VAT1L: variants seen among roughly 807,000 people sequenced by gnomAD.
VAT1L encodes the protein putative NADPH-dependent quinone oxidoreductase VAT1L.
Under a neutral mutation model 44.1 loss-of-function variants are expected in VAT1L, and 34 were observed. That is an observed-to-expected ratio of 0.77 (90% CI 0.59 to 1.03). The LOEUF is 1.03. VAT1L is among the 50% of genes least tolerant of loss of function. VAT1L has a pLI of 0.00. For missense variants in VAT1L, 615 were observed against 538.8 expected (o/e 1.14, Z -1.40); for synonymous variants, 253 against 202.2 (o/e 1.25, Z -2.13).
rs113198784 is a variant in VAT1L, at chr16:77,888,155, G to A, written c.1077+3353G>A. Among the ~76,000 whole-genome samples the A allele has an allele frequency of 2.2e-3, 337 of 152,276 alleles. 1 individual carries two copies. The highest frequency in any genetic ancestry group is 3.3e-3 in the Admixed American group (51 of 15,284). ...GCCTTCCCCAGCCCCACTCTTGAAA[G>A]TAGCACCTTGCACAGCCACTGCAGA... On this transcript the variant is annotated intron_variant, in intron 7 of 8. Transcript: ENST00000302536.
intron 4 of VAT1L, among the ~76,000 whole-genome samples, chr16:77,875,423 T>C (rs140217876): frequency 7.1e-4 from 108 of 152,264 alleles, no homozygotes; most frequent in African/African-American, 2.5e-3. Context: ...TCCTGCAAAC[T>C]TGCAAACACA....
chr16:77,923,015 TA>T (rs1339770136), intron 7 of VAT1L, among the ~76,000 whole-genome samples: 3 of 152,208 alleles, frequency 2.0e-5, no homozygotes, highest in Non-Finnish European at 1.5e-5. Flanking sequence ...TGCAGCCTGT[TA>T]AAAGTCAGCA....
At chr16:77,908,456 T>C (rs866238161) in intron 7 of VAT1L, among the ~76,000 whole-genome samples, 1 of 114,260 alleles carries the variant, frequency 8.8e-6, no homozygotes, top group Non-Finnish European at 1.7e-5. Flanking sequence ...AAGAACCAGG[T>C]TCTGTCTCAA....
At chr16:77,872,357 C>T (rs1316267578) in intron 4 of VAT1L, among the ~76,000 whole-genome samples, 1 of 152,146 alleles carries the variant, frequency 6.6e-6, no homozygotes, top group East Asian at 1.9e-4. Context: ...AGCCTTCTCA[C>T]TGTCCTAGGT....
chr16:77,950,238 A>G (rs1597117178), intron 7 of VAT1L, among the ~76,000 whole-genome samples: 3 of 152,222 alleles, frequency 2.0e-5, no homozygotes, highest in Admixed American at 2.0e-4. Flanking sequence ...GGGAAACCCC[A>G]TCTCTACTAA....
chr16:77,829,119 C>G (rs1435985648), intron 3 of VAT1L, among the ~76,000 whole-genome samples: 3 of 152,172 alleles, frequency 2.0e-5, no homozygotes, highest in Non-Finnish European at 4.4e-5. Context: ...AACCTCTTCT[C>G]TTTCCATTCA....
At chr16:77,904,292 A>G (rs1487915829) in intron 7 of VAT1L, among the ~76,000 whole-genome samples, 1 of 151,780 alleles carries the variant, frequency 6.6e-6, no homozygotes, top group Admixed American at 6.6e-5. Context: ...TTTAATTTTA[A>G]CATGATTTTT....
At chr16:77,816,102 TAA>T (rs768273585) in intron 1 of VAT1L, among the ~76,000 whole-genome samples, 10 of 150,370 alleles carry the variant, frequency 6.7e-5, no homozygotes, top group Non-Finnish European at 1.2e-4. Context: ...TCTGATAAAA[TAA>T]AAAGAGTCCA....
intron 7 of VAT1L, among the ~76,000 whole-genome samples, chr16:77,925,433 T>G (rs1299148508): frequency 6.6e-6 from 1 of 152,164 alleles, no homozygotes; most frequent in Non-Finnish European, 1.5e-5. Flanking sequence ...AAAATCAAGC[T>G]AATAATACCC....
At chr16:77,900,523 C>G (rs139850461) in intron 7 of VAT1L, among the ~76,000 whole-genome samples, 6,780 of 151,814 alleles carry the variant, frequency 0.045, 525 homozygotes, top group African/African-American at 0.16. Context: ...GGTGAAACCC[C>G]ATTTCTACTA....
intron 7 of VAT1L, among the ~76,000 whole-genome samples, chr16:77,936,236 G>A (rs943463554): frequency 1.3e-5 from 2 of 152,144 alleles, no homozygotes; most frequent in Non-Finnish European, 2.9e-5. Flanking sequence ...TTAAGGCTGC[G>A]AAACACTTGT....
At chr16:77,864,868 G>A (rs1024982201) in intron 4 of VAT1L, among the ~76,000 whole-genome samples, 7 of 151,792 alleles carry the variant, frequency 4.6e-5, no homozygotes, top group Admixed American at 3.3e-4. Flanking sequence ...CTAGATGTTA[G>A]AAGTTGACCC....
rs865831792 is a variant in VAT1L at position 77,902,314 on chromosome 16, G to C, written c.1077+17512G>C. ...CATCTGTATATGTCAAGGGACAATAGTCAATGGGGTTTTTTATATAATTTA... is the reference window on the plus strand; with the variant it reads ...CATCTGTATATGTCAAGGGACAATACTCAATGGGGTTTTTTATATAATTTA... On this transcript the variant is annotated intron_variant, in intron 7 of 8. Coordinates refer to ENST00000302536, the MANE Select transcript of VAT1L (RefSeq NM_020927.3). Among the ~76,000 whole-genome samples, 9 of 152,180 alleles carry C rather than the reference G, an allele frequency of 5.9e-5. No individual in the cohort carries two copies. In the South Asian group the frequency reaches 1.2e-3, roughly 21 times the overall value.
Position 77,836,866 on chromosome 16 carries a change from G to C in VAT1L, c.579+11405G>C, listed in dbSNP as rs567914157. Among the ~76,000 whole-genome samples, 6 of 152,224 alleles carry C rather than the reference G, an allele frequency of 3.9e-5. No homozygotes were observed. The South Asian group carries it at 1.2e-3, about 32-fold the overall frequency. ...TGGCCTCTGTGACAGATTTATTTAT[G>C]CAATATTAGTTGAATAAATATATAA... is the stretch of plus-strand genomic sequence containing the variant. On this transcript the variant is annotated intron_variant, in intron 3 of 8. Transcript: ENST00000302536.
intron 1 of VAT1L, among the ~76,000 whole-genome samples, chr16:77,804,532 C>T (rs560483117): frequency 1.3e-5 from 2 of 152,150 alleles, no homozygotes; most frequent in African/African-American, 2.4e-5. Flanking sequence ...TTCCCAGACA[C>T]GGTAGAAACA....
intron 7 of VAT1L, among the ~76,000 whole-genome samples, chr16:77,917,168 A>G (rs1331496729): frequency 1.3e-5 from 2 of 152,142 alleles, no homozygotes; most frequent in Admixed American, 1.3e-4. Flanking sequence ...ACCAATCTAG[A>G]GAGACGATAA....
intron 7 of VAT1L, among the ~76,000 whole-genome samples, chr16:77,900,342 A>G (rs934587855): frequency 6.6e-6 from 1 of 152,088 alleles, no homozygotes; most frequent in Non-Finnish European, 1.5e-5. Context: ...AATTTTTTCT[A>G]TATAGCAATT....
chr16:77,804,133 CTGT>C (rs1050986304), intron 1 of VAT1L, among the ~76,000 whole-genome samples: 14 of 152,204 alleles, frequency 9.2e-5, no homozygotes, highest in African/African-American at 3.4e-4. Flanking sequence ...ACAGAGGGGT[CTGT>C]TGAATTTCAA....
intron 7 of VAT1L, among the ~76,000 whole-genome samples, chr16:77,947,665 G>C (rs143420665): frequency 6.6e-6 from 1 of 152,162 alleles, no homozygotes; most frequent in South Asian, 2.1e-4. Flanking sequence ...TGTCACTCAC[G>C]CCCAGTCCCC....
Sources: allele counts gnomAD v4.1 joint callset (sites outside exome capture counted in the v4.1 genomes callset), GRCh38; gene constraint gnomAD v4.1.1; transcripts MANE v1.5; gene names NCBI Gene and HGNC (gene_info 2026-07-23, HGNC 2026-07-21).